The following DCAF4 variants were observed in gnomAD, a reference collection of about 807,000 sequenced individuals.
DCAF4 encodes the protein DDB1 and CUL4 associated factor 4.
DCAF4 carries 37 observed loss-of-function variants against 60.9 expected under a neutral mutation model. That is an observed-to-expected ratio of 0.61 (90% CI 0.47 to 0.80). DCAF4 has a LOEUF of 0.80. DCAF4 is among the 30% of genes least tolerant of loss of function. DCAF4 has a pLI of 0.00. For missense variants in DCAF4, 577 were observed against 650.0 expected, an observed-to-expected ratio of 0.89 and a Z score of 1.22; for synonymous variants, 243 against 254.8, an observed-to-expected ratio of 0.95 and a Z score of 0.44.
At chr14:72,949,118 C>T (rs949482269) in intron 8 of DCAF4, among the ~76,000 whole-genome samples, 1 of 152,114 alleles carries the variant, frequency 6.6e-6, no homozygotes, top group African/African-American at 2.4e-5. Flanking sequence ...CTACCCAGAG[C>T]GGTATGTCAC....
intron 1 of DCAF4, among the ~76,000 whole-genome samples, chr14:72,930,823 T>C (rs1344159420): frequency 1.3e-5 from 2 of 152,210 alleles, no homozygotes; most frequent in African/African-American, 4.8e-5. Context: ...ATTCATTCTT[T>C]TGCAGTTTGA....
intron 1 of DCAF4, among the ~76,000 whole-genome samples, chr14:72,934,574 A>C (rs1269804950): frequency 6.6e-6 from 1 of 152,002 alleles, no homozygotes; most frequent in Non-Finnish European, 1.5e-5. Flanking sequence ...ACAGGCGTGA[A>C]CCACCACGCC....
In DCAF4 at chr14:72,932,439, G is replaced by A. The variant is rs137879065; in HGVS notation, c.-8-5532G>A. 6.6e-5 allele frequency among the ~76,000 whole-genome samples: 10 copies of A among 152,340 alleles called. No individual in the cohort carries two copies. In the East Asian group the frequency reaches 1.9e-3, roughly 29 times the overall value. ...AGAAGGAAGGCATGTACATTTGTAA[G>A]TTACTTGATAAATATTTTCCAGTCA... On this transcript the variant is annotated intron_variant, in intron 1 of 13. Transcript: ENST00000358377.
chr14:72,937,960 T>G lies in DCAF4; in HGVS notation c.-8-11T>G. 6.3e-7 allele frequency: 1 copy of G among 1,579,474 alleles called. No individual in the cohort carries two copies. The highest frequency in any genetic ancestry group is 8.6e-7 in the Non-Finnish European group (1 of 1,169,314). On this transcript the variant is annotated splice_polypyrimidine_tract_variant and intron_variant, in intron 1 of 13. Coordinates refer to ENST00000358377, the MANE Select transcript of DCAF4 (RefSeq NM_015604.4). The stretch of plus-strand genomic sequence containing the variant: ...CAGAGATGTATGGATTTTTTTGTTT[T>G]TCTCTTTTAGGAACAGAAATGAATA...
intron 6 of DCAF4, among the ~76,000 whole-genome samples, chr14:72,944,630 A>C (rs377142284): frequency 9.2e-5 from 14 of 151,982 alleles, no homozygotes; most frequent in Admixed American, 3.3e-4. Context: ...CCGTCTCTAC[A>C]AAAAAATATA....
chr14:72,951,708 G>T, intron 8 of DCAF4, 90 bp from the exon 9 acceptor site: 10 of 1,234,234 alleles, frequency 8.1e-6, no homozygotes, highest in South Asian at 1.2e-5. Context: ...GGCCTAGGTT[G>T]TGTGCCGTAT....
rs1425147782 is a variant in DCAF4, at chr14:72,951,525, C to T, written c.729-273C>T. 5.9e-5 allele frequency among the ~76,000 whole-genome samples: 9 copies of T among 152,068 alleles called. No homozygotes were observed. In the South Asian group the frequency reaches 1.7e-3, roughly 28 times the overall value. The stretch of plus-strand genomic sequence containing the variant: ...ACTCAGGAAGCCGAGGCAGGAGAAT[C>T]GCTTGAACCTGGGAGGCAGAGGTTG... On this transcript the variant is annotated intron_variant, in intron 8 of 13. Coordinates refer to ENST00000358377, the MANE Select transcript of DCAF4 (RefSeq NM_015604.4).
At position 72,955,518 on chromosome 14, in the gene DCAF4, C is replaced by T. The variant is rs1892150835; in HGVS notation, c.1006-5C>T. ...CCAGGCACTGAGCAGTCCCTCTTTC[C>T]ACAGGCTCCTCTGCTGTTTAATGGC... On this transcript the variant is annotated splice_region_variant and splice_polypyrimidine_tract_variant and intron_variant, in intron 11 of 13. Transcript: ENST00000358377. 1 of 1,612,796 alleles carries T rather than the reference C, an allele frequency of 6.2e-7. No homozygotes were observed. Among genetic ancestry groups the T allele is most frequent in the Non-Finnish European group, 8.5e-7 (1 of 1,179,302 alleles).
At chr14:72,944,230 TG>T (rs1234797883) in intron 6 of DCAF4, among the ~76,000 whole-genome samples, 1 of 152,198 alleles carries the variant, frequency 6.6e-6, no homozygotes, top group African/African-American at 2.4e-5. Context: ...ACCGTGACTC[TG>T]GCTGGCCGGT....
At chr14:72,953,709 TAAAAAAAAAAAAAAAA>T (rs778771457) in intron 9 of DCAF4, among the ~76,000 whole-genome samples, 4 of 10,060 alleles carry the variant, frequency 4.0e-4, no homozygotes, top group African/African-American at 1.6e-3. Flanking sequence ...GACCCTGTCT[TAAAAAAAAAAAAAAAA>T]AAAAAAAATA....
chr14:72,950,189 G>A (rs1891233899), intron 8 of DCAF4, among the ~76,000 whole-genome samples: 1 of 152,178 alleles, frequency 6.6e-6, no homozygotes, highest in African/African-American at 2.4e-5. Flanking sequence ...GCATTGTTGG[G>A]GGATAGACGG....
intron 5 of DCAF4, 111 bp from the exon 6 acceptor site, chr14:72,942,883 A>AT: frequency 1.1e-6 from 1 of 872,016 alleles, no homozygotes; most frequent in Non-Finnish European, 1.8e-6. Context: ...ACTGTGGAGC[A>AT]GGCTGACGAG....
At chr14:72,940,456 A>G in intron 4 of DCAF4, 79 bp downstream of exon 4, 1 of 1,454,928 alleles carries the variant, frequency 6.9e-7, no homozygotes, top group Non-Finnish European at 9.1e-7. Context: ...AAGGGTGCCA[A>G]TTAGATGCCC....
chr14:72,941,832 A>C lies in DCAF4; in HGVS notation c.431+8A>C, dbSNP rs1890089465. On this transcript the variant is annotated splice_region_variant and intron_variant, in intron 5 of 13. Coordinates refer to ENST00000358377, the MANE Select transcript of DCAF4 (RefSeq NM_015604.4). Reference sequence around the variant, plus strand: ...CGTCACCAATTACTGCCAGTAAGACAATGCCTCTTTGTTATGTTTTCTTCA... The same window carrying C: ...CGTCACCAATTACTGCCAGTAAGACCATGCCTCTTTGTTATGTTTTCTTCA... 1 of 1,612,854 alleles carries C rather than the reference A, an allele frequency of 6.2e-7. No homozygotes were observed. Among genetic ancestry groups the C allele is most frequent in the Non-Finnish European group, 8.5e-7 (1 of 1,179,388 alleles).
intron 8 of DCAF4, among the ~76,000 whole-genome samples, chr14:72,949,395 G>T (rs934080705): frequency 1.2e-4 from 19 of 152,284 alleles, no homozygotes; most frequent in Admixed American, 9.8e-4. Context: ...GTTCAAAGCT[G>T]CAGTGAGCTG....
At chr14:72,940,018 G>A (rs947704934) in intron 3 of DCAF4, 116 bp downstream of exon 3, 10 of 1,218,024 alleles carry the variant, frequency 8.2e-6, no homozygotes, top group Non-Finnish European at 1.1e-5. Context: ...AAGGAGCTGG[G>A]TGCGTCAGGA....
chr14:72,958,700 C>T lies in DCAF4; in HGVS notation c.1383C>T (p.Ala461=), dbSNP rs754594205. The change falls in exon 14 of 14, where the codon GCC becomes GCT. Residue 461 remains alanine, a synonymous_variant. Coordinates refer to ENST00000358377, the MANE Select transcript of DCAF4 (RefSeq NM_015604.4). The stretch of plus-strand genomic sequence containing the variant: ...CCTCCCCGTACCCTGCCTCCAAGGC[C>T]GACATTCCCAGTGTGGCCTTCTCGT... The part of the protein sequence containing the change: ...TIPSPYPASK[A]DIPSVAFSSR... 4.5e-5 allele frequency: 73 copies of T among 1,614,016 alleles called. No homozygotes were observed. The Middle Eastern group carries it at 6.6e-4, about 15-fold the overall frequency.
rs148954329 is a variant in DCAF4, at chr14:72,941,711, C to A, written c.352-34C>A. On this transcript the variant is annotated intron_variant, in intron 4 of 13. Transcript: ENST00000358377. ...CATCATCCCCTAACAAATAAATCTTCATTGAATTGTTCTCTTTTTTGTAAT... is the reference window on the plus strand; with the variant it reads ...CATCATCCCCTAACAAATAAATCTTAATTGAATTGTTCTCTTTTTTGTAAT... 145 of 1,585,202 alleles carry A rather than the reference C, an allele frequency of 9.1e-5. 3 individuals carry two copies. The African/African-American group carries it at 1.5e-3, about 17-fold the overall frequency.
chr14:72,926,952 G>A (rs1887642459), intron 1 of DCAF4: 1 of 152,344 alleles, frequency 6.6e-6, no homozygotes, highest in South Asian at 2.1e-4. Flanking sequence ...GGTTAGGTGT[G>A]GTTGAAGCTT....
Sources: allele counts gnomAD v4.1 joint callset (sites outside exome capture counted in the v4.1 genomes callset), GRCh38; gene constraint gnomAD v4.1.1; transcripts MANE v1.5; gene names NCBI Gene and HGNC (gene_info 2026-07-23, HGNC 2026-07-21).